NPLOC4: variants seen among roughly 807,000 people sequenced by gnomAD.
NPLOC4 encodes the protein nuclear protein localization protein 4 homolog.
A neutral mutation model predicts 80.6 loss-of-function variants in NPLOC4; 18 were observed. The ratio of observed to expected loss-of-function variants is 0.22; its 90% CI spans 0.15 to 0.33. The LOEUF (loss-of-function observed/expected upper bound fraction) is 0.33. Ranked by LOEUF, NPLOC4 falls within the 10% of genes least tolerant of loss-of-function variation. NPLOC4 has a pLI of 1.00. For synonymous variants in NPLOC4, 313 were observed against 301.5 expected, an observed-to-expected ratio of 1.04 and a Z score of -0.39; for missense variants, 540 against 786.1, an observed-to-expected ratio of 0.69 and a Z score of 3.74.
At chr17:81,563,892 G>A (rs910661203) in intron 16 of NPLOC4, 7 of 453,788 alleles carry the variant, frequency 1.5e-5, no homozygotes, top group Middle Eastern at 3.2e-4. Context: ...TCATTTATAA[G>A]TGGGAGCTAA....
chr17:81,557,025 GGA>G lies in NPLOC4; in HGVS notation c.*2232_*2233del, dbSNP rs2033660453. The stretch of plus-strand genomic sequence containing the variant: ...GTGTCCCAGGAGCAGCTGGTTGGAG[GGA>G]GCCAGGGCCAGGCCCCACCTCCTCT... On this transcript the variant is annotated 3_prime_UTR_variant, in exon 17 of 17. Coordinates refer to ENST00000331134, the MANE Select transcript of NPLOC4 (RefSeq NM_017921.4). 1 of 152,496 alleles carries G rather than the reference GGA, an allele frequency of 6.6e-6. No individual in the cohort carries two copies. The highest frequency in any genetic ancestry group is 2.4e-5 in the African/African-American group (1 of 41,440). The allele number at this position is 152,496 out of a possible 1,614,324, so 9.4% of individuals were successfully genotyped here. A position where few individuals can be genotyped will look rare whatever the true frequency, so the allele number is the denominator to read the frequency against.
chr17:81,592,101 G>A (rs2034766041), intron 11 of NPLOC4, among the ~76,000 whole-genome samples: 2 of 152,204 alleles, frequency 1.3e-5, no homozygotes, highest in Admixed American at 1.3e-4. Context: ...AAGGACAGAT[G>A]CAGAGGGAGA....
At chr17:81,596,080 T>C in intron 11 of NPLOC4, 36 bp downstream of exon 11, 1 of 1,579,250 alleles carries the variant, frequency 6.3e-7, no homozygotes, top group Non-Finnish European at 8.7e-7. Flanking sequence ...ATTAACGAGG[T>C]GGTAATATTT....
chr17:81,583,861 C>T (rs928389149), intron 12 of NPLOC4, among the ~76,000 whole-genome samples: 1 of 152,078 alleles, frequency 6.6e-6, no homozygotes, highest in Non-Finnish European at 1.5e-5. Flanking sequence ...GTGCAAATGC[C>T]TATACGTGTC....
rs568744351 is a variant in NPLOC4, at chr17:81,589,575, CAGCACAAGACCT to C, written c.1121-483_1121-472del. Among the ~76,000 whole-genome samples the C allele has an allele frequency of 4.7e-3, 709 of 151,474 alleles. 4 individuals carry two copies. The highest frequency in any genetic ancestry group is 6.9e-3 in the Middle Eastern group (2 of 290). ...TCAGTAGTCAACGGATGGGTGGCCACAGCACAAGACCTAGCACAAGACCTAGCACAGTCAGGA... is the reference window on the plus strand; with the variant it reads ...TCAGTAGTCAACGGATGGGTGGCCACAGCACAAGACCTAGCACAGTCAGGA... On this transcript the variant is annotated intron_variant, in intron 11 of 16. Coordinates refer to ENST00000331134, the MANE Select transcript of NPLOC4 (RefSeq NM_017921.4).
intron 3 of NPLOC4, among the ~76,000 whole-genome samples, chr17:81,614,728 T>C (rs532411780): frequency 4.4e-4 from 67 of 152,288 alleles, no homozygotes; most frequent in African/African-American, 1.5e-3. Flanking sequence ...GGCAAACTGC[T>C]GACCTCAGAG....
chr17:81,599,682 C>A (rs1039155876), intron 9 of NPLOC4, among the ~76,000 whole-genome samples: 4 of 152,144 alleles, frequency 2.6e-5, no homozygotes, highest in Admixed American at 1.3e-4. Flanking sequence ...AAGATATGTT[C>A]AAATTCATGG....
At chr17:81,564,118 A>ACACACACACAGACACACACACAC (rs1568114631) in intron 16 of NPLOC4, 1 of 323,012 alleles carries the variant, frequency 3.1e-6, no homozygotes, top group Non-Finnish European at 6.1e-6. Context: ...ACACACACAC[A>ACACACACACAGACACACACACAC]AAGAGCAGGG....
chr17:81,633,127 CAAA>C (rs57190405), intron 1 of NPLOC4, among the ~76,000 whole-genome samples: 11 of 105,840 alleles, frequency 1.0e-4, no homozygotes, highest in East Asian at 9.4e-4. Flanking sequence ...GACTCCGTCT[CAAA>C]AAAAAAAAAA....
At position 81,633,959 on chromosome 17, in the gene NPLOC4, C is replaced by T. The variant is rs183196458; in HGVS notation, c.15+2957G>A. ...TCGGCTCACTGCAATCTCCGCCTCCCGGGTTCTAACTTTTCTGCCTCAGCC... is the reference window on the plus strand; with the variant it reads ...TCGGCTCACTGCAATCTCCGCCTCCTGGGTTCTAACTTTTCTGCCTCAGCC... On this transcript the variant is annotated intron_variant, in intron 1 of 16. Transcript: ENST00000331134. 4.6e-5 allele frequency among the ~76,000 whole-genome samples: 7 copies of T among 152,002 alleles called. No homozygotes were observed. In the East Asian group the frequency reaches 1.2e-3, roughly 25 times the overall value.
rs1366568085 is a variant in NPLOC4 at position 81,569,067 on chromosome 17, A to G, written c.1398T>C (p.Ile466=). Reference sequence around the variant, plus strand: ...TTTCAATAGGAAATGGATTTTGCGAAATAGAAAAAGTGTAAACTGGATCCT... The same window carrying G: ...TTTCAATAGGAAATGGATTTTGCGAGATAGAAAAAGTGTAAACTGGATCCT... ...FPKDPVYTFS[I]SQNPFPIENR... Residue 466 remains isoleucine, a synonymous_variant, in exon 14 of 17, where the codon ATT becomes ATC. Transcript: ENST00000331134. The G allele has an allele frequency of 1.2e-6, 2 of 1,613,248 alleles. No individual in the cohort carries two copies. Among genetic ancestry groups the G allele is most frequent in the African/African-American group, 2.7e-5 (2 of 74,920 alleles).
intron 9 of NPLOC4, among the ~76,000 whole-genome samples, chr17:81,599,298 T>C (rs1047788368): frequency 4.0e-4 from 59 of 149,098 alleles, no homozygotes; most frequent in Middle Eastern, 3.5e-3. Context: ...AAAAAAAAAA[T>C]AAAATAAAAT....
At chr17:81,565,206 G>T (rs2033972374) in intron 16 of NPLOC4, 2 of 632,632 alleles carry the variant, frequency 3.2e-6, no homozygotes, top group African/African-American at 3.7e-5. Context: ...TTAAGACAAT[G>T]ATGTTCAAAG....
chr17:81,629,661 A>G, intron 2 of NPLOC4, 64 bp downstream of exon 2: 1 of 1,176,994 alleles, frequency 8.5e-7, no homozygotes, highest in African/African-American at 1.5e-5. Flanking sequence ...GAGAAAAGGT[A>G]TCGATGGCAG....
intron 2 of NPLOC4, 50 bp from the exon 3 acceptor site, chr17:81,622,328 C>G: frequency 7.6e-7 from 1 of 1,323,252 alleles, no homozygotes; most frequent in South Asian, 1.2e-5. Context: ...TAAAGTATCA[C>G]TACACATACC....
intron 3 of NPLOC4, among the ~76,000 whole-genome samples, chr17:81,619,108 T>C (rs1486373903): frequency 2.0e-5 from 3 of 152,046 alleles, no homozygotes; most frequent in Non-Finnish European, 1.5e-5. Flanking sequence ...CCAGAGACCT[T>C]TGTTCACTTG....
At chr17:81,623,463 TCAAAAAAA>T (rs2035718878) in intron 2 of NPLOC4, among the ~76,000 whole-genome samples, 1 of 5,234 alleles carries the variant, frequency 1.9e-4, no homozygotes, top group Admixed American at 2.5e-3. Flanking sequence ...AGACTTTGTT[TCAAAAAAA>T]AAAAAAAAAA....
At chr17:81,605,598 A>C (rs566091881) in intron 7 of NPLOC4, among the ~76,000 whole-genome samples, 2 of 151,800 alleles carry the variant, frequency 1.3e-5, no homozygotes, top group Non-Finnish European at 1.5e-5. Flanking sequence ...CAGTGAGCCA[A>C]GACTGCACCA....
chr17:81,600,222 T>C (rs1189477299), intron 9 of NPLOC4, 119 bp downstream of exon 9: 2 of 697,950 alleles, frequency 2.9e-6, no homozygotes, highest in Non-Finnish European at 2.6e-6. Context: ...CACCTGACCT[T>C]GTGCAGCCGG....
Sources: allele counts gnomAD v4.1 joint callset (sites outside exome capture counted in the v4.1 genomes callset), GRCh38; gene constraint gnomAD v4.1.1; transcripts MANE v1.5; gene names NCBI Gene and HGNC (gene_info 2026-07-23, HGNC 2026-07-21).